The following SMC5 variants were observed in gnomAD, a reference collection of about 807,000 sequenced individuals.
The protein encoded by SMC5 is structural maintenance of chromosomes protein 5.
In SMC5, 88 loss-of-function variants were observed where a neutral mutation model predicts 148.3. The ratio of observed to expected loss-of-function variants is 0.59; its 90% CI spans 0.50 to 0.71. SMC5 has a LOEUF of 0.71. Ranked by LOEUF, SMC5 falls within the 30% of genes least tolerant of loss-of-function variation. The probability of loss-of-function intolerance (pLI) is 0.00; values close to 1 mark genes in which losing one functional copy is unlikely to be tolerated. For missense variants in SMC5, 1,142 were observed against 1,298.9 expected (o/e 0.88, Z 1.86); for synonymous variants, 421 against 432.8 (o/e 0.97, Z 0.34).
intron 8 of SMC5, among the ~76,000 whole-genome samples, chr9:70,287,340 T>G (rs1015552763): frequency 6.6e-6 from 1 of 152,292 alleles, no homozygotes; most frequent in Non-Finnish European, 1.5e-5. Flanking sequence ...TATCTGAGAA[T>G]CTTTGGTTCT....
rs2036826523 is a variant in SMC5 at position 70,352,398 on chromosome 9, G to A, written c.*67G>A. The A allele has an allele frequency of 7.0e-7, 1 of 1,419,680 alleles. No individual in the cohort carries two copies. 87.9% of individuals were successfully genotyped at this position (1,419,680 alleles called of 1,614,324 possible). ...TTCTGTTTATAAGTATGGCTCAACTGAATAAAAGGAGATTCACTAAAACGA... is the reference window on the plus strand; with the variant it reads ...TTCTGTTTATAAGTATGGCTCAACTAAATAAAAGGAGATTCACTAAAACGA... On this transcript the variant is annotated 3_prime_UTR_variant, in exon 25 of 25. Transcript: ENST00000361138.
intron 11 of SMC5, among the ~76,000 whole-genome samples, chr9:70,314,041 A>G (rs2118561164): frequency 6.6e-6 from 1 of 152,154 alleles, no homozygotes; most frequent in Non-Finnish European, 1.5e-5. Flanking sequence ...TTTCCTGTGC[A>G]CTCATAGTTC....
chr9:70,316,800 T>C (rs542506879), intron 13 of SMC5, among the ~76,000 whole-genome samples: 2 of 152,254 alleles, frequency 1.3e-5, no homozygotes, highest in East Asian at 3.9e-4. Context: ...ACATTTTGTT[T>C]AAGTCACCTA....
rs1194950566 is a variant in SMC5, at chr9:70,353,331, A to G, written c.*1000A>G. The G allele has an allele frequency of 6.6e-6, 1 of 152,176 alleles. No individual in the cohort carries two copies. Among genetic ancestry groups the G allele is most frequent in the African/African-American group, 2.4e-5 (1 of 41,446 alleles). The allele number at this position is 152,176 out of a possible 1,614,324, so 9.4% of individuals were successfully genotyped here. A position where few individuals can be genotyped will look rare whatever the true frequency, so the allele number is the denominator to read the frequency against. On this transcript the variant is annotated 3_prime_UTR_variant, in exon 25 of 25. Transcript: ENST00000361138. ...TTCTTACAATGTTGATGTACCCATT[A>G]TCTTAGAAAATCTAGTTTAAACTGT...
At position 70,306,129 on chromosome 9, in the gene SMC5, A is replaced by G. The variant is rs185312601; in HGVS notation, c.1578+769A>G. Among the ~76,000 whole-genome samples, 252 of 152,300 alleles carry G rather than the reference A, an allele frequency of 1.7e-3. 2 individuals are homozygous for G. Among genetic ancestry groups the G allele is most frequent in the Non-Finnish European group, 2.7e-3 (187 of 68,012 alleles). ...TATTAGCTATATATGACATTCTTAT[A>G]TATATACGGTTAGCTATATGTTGTA... On this transcript the variant is annotated intron_variant, in intron 11 of 24. Transcript: ENST00000361138.
intron 17 of SMC5, among the ~76,000 whole-genome samples, chr9:70,342,820 TCTC>T (rs762158476): frequency 1.3e-5 from 2 of 152,284 alleles, no homozygotes; most frequent in African/African-American, 4.8e-5. Flanking sequence ...TACAAATTCC[TCTC>T]CTCCAGCCAC....
In SMC5 at chr9:70,318,817, A is replaced by G; in HGVS notation, c.2004A>G (p.Ala668=). 1 of 1,574,938 alleles carries G rather than the reference A, an allele frequency of 6.3e-7. No homozygotes were observed. The highest frequency in any genetic ancestry group is 8.6e-7 in the Non-Finnish European group (1 of 1,166,978). The change falls in exon 15 of 25, where the codon GCA becomes GCG. Residue 668 remains alanine (A), a synonymous_variant. Coordinates refer to ENST00000361138, the MANE Select transcript of SMC5 (RefSeq NM_015110.4). ...AGGAAATTCATAGAAAATTGCAAGC[A>G]GTGGATTCAGGGTTGATTGCCTTAC... ...QLKEIHRKLQ[A]VDSGLIALRE...
chr9:70,283,943 T>TA (rs1015994089), intron 7 of SMC5, among the ~76,000 whole-genome samples: 6 of 152,158 alleles, frequency 3.9e-5, no homozygotes, highest in Non-Finnish European at 8.8e-5. Context: ...CTTTTGTTTG[T>TA]AAAAAAAGAA....
chr9:70,268,394 C>T (rs931433633), intron 3 of SMC5, among the ~76,000 whole-genome samples: 98 of 152,032 alleles, frequency 6.4e-4, no homozygotes, highest in African/African-American at 2.2e-3. Flanking sequence ...TGCAGTGAGC[C>T]GAGATGGCGC....
At chr9:70,310,311 G>T (rs557775768) in intron 11 of SMC5, among the ~76,000 whole-genome samples, 45 of 152,324 alleles carry the variant, frequency 3.0e-4, no homozygotes, top group African/African-American at 1.0e-3. Context: ...TGTTGTGTTT[G>T]CAGGCATGAA....
intron 18 of SMC5, 140 bp downstream of exon 18, chr9:70,344,409 T>C (rs913545343): frequency 3.0e-5 from 4 of 135,532 alleles, no homozygotes; most frequent in Non-Finnish European, 5.6e-5. Context: ...TTAAACTGAA[T>C]ATATATATAT....
At chr9:70,341,452 C>T (rs1306094250) in intron 17 of SMC5, among the ~76,000 whole-genome samples, 1 of 152,104 alleles carries the variant, frequency 6.6e-6, no homozygotes, top group Non-Finnish European at 1.5e-5. Context: ...GTACAATGGT[C>T]CTTAGCAGAG....
chr9:70,290,178 G>A (rs1181743072), intron 8 of SMC5, among the ~76,000 whole-genome samples: 1 of 152,108 alleles, frequency 6.6e-6, no homozygotes, highest in African/African-American at 2.4e-5. Context: ...TGGTTTATTT[G>A]ATCGTGTTGC....
At chr9:70,323,886 G>GT (rs2036011011) in intron 16 of SMC5, 135 bp from the exon 17 acceptor site, 1 of 896,272 alleles carries the variant, frequency 1.1e-6, no homozygotes. Flanking sequence ...TACAAGAACT[G>GT]TTTGAGAGAG....
intron 1 of SMC5, among the ~76,000 whole-genome samples, chr9:70,259,930 T>A (rs954883219): frequency 1.3e-5 from 2 of 148,844 alleles, no homozygotes; most frequent in Non-Finnish European, 3.0e-5. Context: ...TCCAGGTCTT[T>A]TTTTTTTTTT....
intron 9 of SMC5, among the ~76,000 whole-genome samples, chr9:70,299,092 C>G (rs1411833093): frequency 6.6e-6 from 1 of 151,806 alleles, no homozygotes; most frequent in African/African-American, 2.4e-5. Context: ...AAATAGTACT[C>G]CCTCGCACCC....
intron 22 of SMC5, among the ~76,000 whole-genome samples, chr9:70,349,888 T>A (rs1279960572): frequency 6.6e-6 from 1 of 152,322 alleles, no homozygotes; most frequent in East Asian, 1.9e-4. Flanking sequence ...AATAATTTCC[T>A]TATCTAAATA....
At chr9:70,303,311 AT>A (rs772192588) in intron 10 of SMC5, among the ~76,000 whole-genome samples, 1 of 150,386 alleles carries the variant, frequency 6.6e-6, no homozygotes, top group African/African-American at 2.4e-5. Context: ...CTATAATTAT[AT>A]TTTTTTTAAA....
At chr9:70,326,886 A>G (rs2118677702) in intron 17 of SMC5, among the ~76,000 whole-genome samples, 1 of 152,182 alleles carries the variant, frequency 6.6e-6, no homozygotes, top group Non-Finnish European at 1.5e-5. Flanking sequence ...AAAATCATGT[A>G]CTGTTTTCAG....
Sources: allele counts gnomAD v4.1 joint callset (sites outside exome capture counted in the v4.1 genomes callset), GRCh38; gene constraint gnomAD v4.1.1; transcripts MANE v1.5; gene names NCBI Gene and HGNC (gene_info 2026-07-23, HGNC 2026-07-21).